The following EFCAB11 variants were observed in gnomAD, a reference collection of about 807,000 sequenced individuals.
The protein encoded by EFCAB11 is EF-hand calcium binding domain 11.
EFCAB11 carries 14 observed loss-of-function variants against 23.0 expected under a neutral mutation model. The observed-to-expected ratio is 0.61, with a 90% CI of 0.40 to 0.95. The LOEUF (loss-of-function observed/expected upper bound fraction) is 0.95, where lower values mean the gene tolerates loss of function less well. Among genes scored for constraint, EFCAB11 ranks in the 40% least tolerant of loss-of-function variants. EFCAB11 has a pLI of 0.00. For synonymous variants in EFCAB11, 65 were observed against 66.6 expected, an observed-to-expected ratio of 0.98 and a Z score of 0.11; for missense variants, 198 against 195.8, an observed-to-expected ratio of 1.01 and a Z score of -0.07.
intron 5 of EFCAB11, among the ~76,000 whole-genome samples, chr14:89,913,582 A>G (rs1371757580): frequency 6.6e-6 from 1 of 152,184 alleles, no homozygotes; most frequent in Non-Finnish European, 1.5e-5. Context: ...CTAATCAAAG[A>G]TGTTAGTTGT....
At chr14:89,953,769 A>G (rs1891291638) in intron 2 of EFCAB11, 137 bp downstream of exon 2, 1 of 629,350 alleles carries the variant, frequency 1.6e-6, no homozygotes, top group Admixed American at 3.2e-5. Context: ...AGGAAGCTAA[A>G]ATTCAGCACT....
chr14:89,931,352 A>G, intron 5 of EFCAB11, 189 bp downstream of exon 5: 1 of 560,942 alleles, frequency 1.8e-6, no homozygotes, highest in Non-Finnish European at 3.1e-6. Flanking sequence ...TTTACAGTTC[A>G]CTGTCAGGGG....
chr14:89,817,907 T>C (rs983441551), intron 5 of EFCAB11, among the ~76,000 whole-genome samples: 1 of 151,880 alleles, frequency 6.6e-6, no homozygotes, highest in African/African-American at 2.4e-5. Context: ...GGCAGGAGAA[T>C]CACTTGAACC....
intron 5 of EFCAB11, among the ~76,000 whole-genome samples, chr14:89,901,104 C>T (rs1172220486): frequency 2.0e-5 from 3 of 152,172 alleles, no homozygotes; most frequent in Non-Finnish European, 2.9e-5. Context: ...TATTTGTAAA[C>T]TTTCACATAT....
intron 5 of EFCAB11, among the ~76,000 whole-genome samples, chr14:89,866,879 T>A (rs1408523406): frequency 6.6e-6 from 1 of 152,238 alleles, no homozygotes; most frequent in African/African-American, 2.4e-5. Context: ...CTTGGCCCAC[T>A]CCAACCTCAG....
chr14:89,810,208 C>G (rs2140087847), intron 5 of EFCAB11, among the ~76,000 whole-genome samples: 1 of 152,264 alleles, frequency 6.6e-6, no homozygotes, highest in Admixed American at 6.5e-5. Context: ...TAAGTATCGG[C>G]TGAACATACG....
At chr14:89,946,044 G>A (rs907219844) in intron 3 of EFCAB11, among the ~76,000 whole-genome samples, 13 of 151,350 alleles carry the variant, frequency 8.6e-5, no homozygotes, top group African/African-American at 2.9e-4. Flanking sequence ...TCAGCCCCCC[G>A]AGTAGCTGGG....
intron 5 of EFCAB11, among the ~76,000 whole-genome samples, chr14:89,927,216 G>T (rs1890221977): frequency 6.6e-6 from 1 of 152,182 alleles, no homozygotes; most frequent in African/African-American, 2.4e-5. Context: ...AATTGCTGTT[G>T]TTTGGTTTGT....
At chr14:89,949,331 A>C (rs1891084233) in intron 3 of EFCAB11, among the ~76,000 whole-genome samples, 2 of 152,186 alleles carry the variant, frequency 1.3e-5, no homozygotes, top group Admixed American at 6.5e-5. Context: ...AAACAAAATA[A>C]AGATGTGCTT....
intron 3 of EFCAB11, among the ~76,000 whole-genome samples, chr14:89,949,332 A>G (rs567839329): frequency 6.6e-6 from 1 of 152,332 alleles, no homozygotes; most frequent in African/African-American, 2.4e-5. Context: ...AACAAAATAA[A>G]GATGTGCTTA....
intron 5 of EFCAB11, among the ~76,000 whole-genome samples, chr14:89,850,670 A>G (rs74080148): frequency 0.016 from 2,485 of 152,238 alleles, 59 homozygotes; most frequent in African/African-American, 0.057. Flanking sequence ...ATATGTATGT[A>G]TGTGTGTGTG....
chr14:89,949,782 T>C (rs1012168488), intron 3 of EFCAB11, among the ~76,000 whole-genome samples: 7 of 152,274 alleles, frequency 4.6e-5, no homozygotes, highest in Middle Eastern at 3.4e-3. Context: ...TGGACTTACA[T>C]TTCCACGTGG....
chr14:89,950,293 A>C, intron 2 of EFCAB11, 151 bp from the exon 3 acceptor site: 1 of 799,164 alleles, frequency 1.3e-6, no homozygotes, highest in Non-Finnish European at 1.9e-6. Context: ...AATAGCTATA[A>C]TAGTCATTTT....
At chr14:89,798,179 A>C (rs934864604) in intron 5 of EFCAB11, among the ~76,000 whole-genome samples, 12 of 152,246 alleles carry the variant, frequency 7.9e-5, no homozygotes, top group Admixed American at 3.3e-4. Flanking sequence ...ATTGAATTCT[A>C]AAATAAACTT....
intron 5 of EFCAB11, among the ~76,000 whole-genome samples, chr14:89,801,217 T>C (rs987678874): frequency 6.6e-6 from 1 of 152,148 alleles, no homozygotes; most frequent in Non-Finnish European, 1.5e-5. Flanking sequence ...AGTCCTTCAA[T>C]TGACTGTTAC....
intron 5 of EFCAB11, among the ~76,000 whole-genome samples, chr14:89,812,917 T>A (rs1390208155): frequency 6.6e-6 from 1 of 152,086 alleles, no homozygotes; most frequent in East Asian, 1.9e-4. Context: ...AAACTTAAAA[T>A]CTTTGCACAT....
intron 5 of EFCAB11, among the ~76,000 whole-genome samples, chr14:89,874,688 G>A (rs950106721): frequency 6.6e-6 from 1 of 152,126 alleles, no homozygotes; most frequent in Non-Finnish European, 1.5e-5. Flanking sequence ...AAGAGGTCAG[G>A]AGATCGAGAC....
chr14:89,913,530 C>T (rs1034866267), intron 5 of EFCAB11, among the ~76,000 whole-genome samples: 9 of 152,106 alleles, frequency 5.9e-5, no homozygotes, highest in African/African-American at 1.4e-4. Context: ...TCTATGATTC[C>T]GTAATCTCTA....
chr14:89,806,065 G>A (rs73324940), intron 5 of EFCAB11, among the ~76,000 whole-genome samples: 6,316 of 152,196 alleles, frequency 0.041, 371 homozygotes, highest in African/African-American at 0.12. Flanking sequence ...GCACTGAAGA[G>A]GCTATTGAGG....
Sources: gnomAD v4.1 joint callset for allele counts (sites outside exome capture counted in the v4.1 genomes callset) on GRCh38, gnomAD v4.1.1 for gene constraint, MANE v1.5 for transcripts, NCBI Gene and HGNC (gene_info 2026-07-23, HGNC 2026-07-21) for gene names.